EYS: variants seen among roughly 807,000 people sequenced by gnomAD.
The protein encoded by EYS is EGF-like photoreceptor maintenance factor.
A neutral mutation model predicts 282.1 loss-of-function variants in EYS; 250 were observed. The ratio of observed to expected loss-of-function variants is 0.89; its 90% CI spans 0.80 to 0.98. The LOEUF (loss-of-function observed/expected upper bound fraction) is 0.98. Ranked by LOEUF, EYS falls within the 50% of genes least tolerant of loss-of-function variation. The pLI is 0.00. For synonymous variants in EYS, 1,355 were observed against 1,282.9 expected (o/e 1.06, Z -1.20); for missense variants, 4,016 against 3,709.0 (o/e 1.08, Z -2.15).
intron 26 of EYS, among the ~76,000 whole-genome samples, chr6:64,564,443 AT>A (rs960519762): frequency 2.7e-5 from 4 of 150,742 alleles, no homozygotes; most frequent in African/African-American, 9.8e-5. Flanking sequence ...ACGCCCAGCT[AT>A]TTTTTTATTA....
intron 22 of EYS, among the ~76,000 whole-genome samples, chr6:64,767,903 G>T (rs1193698924): frequency 6.6e-6 from 1 of 151,958 alleles, no homozygotes; most frequent in Non-Finnish European, 1.5e-5. Context: ...TTCCATGAGT[G>T]GTGTATGAGC....
In EYS at chr6:64,860,058, A is replaced by T. The variant is rs548510919; in HGVS notation, c.2992+26639T>A. 2.6e-5 allele frequency among the ~76,000 whole-genome samples: 4 copies of T among 152,300 alleles called. No homozygotes were observed. In the South Asian group the frequency reaches 8.3e-4, roughly 32 times the overall value. On this transcript the variant is annotated intron_variant, in intron 19 of 42. Coordinates refer to ENST00000503581, the MANE Select transcript of EYS (RefSeq NM_001142800.2). ...TCTTTGTTTCTTACTTTTAAAAAAC[A>T]TATTGTCCCTTTTTTCTGTGTCTTC...
intron 31 of EYS, among the ~76,000 whole-genome samples, chr6:64,131,115 C>T (rs563632102): frequency 3.3e-5 from 5 of 152,134 alleles, no homozygotes; most frequent in Non-Finnish European, 5.9e-5. Flanking sequence ...ATCCTCCCCC[C>T]CTTGGCCTCC....
At chr6:64,464,472 C>A (rs908556937) in intron 26 of EYS, among the ~76,000 whole-genome samples, 1 of 152,004 alleles carries the variant, frequency 6.6e-6, no homozygotes, top group African/African-American at 2.4e-5. Context: ...AGATAAAAGG[C>A]AGCCAAATTG....
chr6:63,930,151 A>T (rs1764842114), intron 35 of EYS, among the ~76,000 whole-genome samples: 1 of 152,188 alleles, frequency 6.6e-6, no homozygotes, highest in Admixed American at 6.5e-5. Flanking sequence ...AATAATAAGT[A>T]TGTGAAGTGA....
chr6:65,379,410 TC>T (rs1331785284), intron 8 of EYS, among the ~76,000 whole-genome samples: 18 of 152,092 alleles, frequency 1.2e-4, no homozygotes, highest in Non-Finnish European at 2.1e-4. Flanking sequence ...TCGACGAAAT[TC>T]AACACCGCTT....
intron 5 of EYS, among the ~76,000 whole-genome samples, chr6:65,480,439 C>A (rs1353210981): frequency 1.3e-5 from 2 of 151,900 alleles, no homozygotes; most frequent in Non-Finnish European, 2.9e-5. Context: ...ACCAGAGAAG[C>A]AACATATTAT....
At chr6:64,651,246 A>T (rs1168815292) in intron 22 of EYS, among the ~76,000 whole-genome samples, 1 of 152,176 alleles carries the variant, frequency 6.6e-6, no homozygotes, top group African/African-American at 2.4e-5. Context: ...AAAAAAGACT[A>T]AATAGTTGCC....
intron 34 of EYS, among the ~76,000 whole-genome samples, chr6:63,998,725 C>T (rs1045959523): frequency 6.6e-5 from 10 of 151,358 alleles, no homozygotes; most frequent in African/African-American, 2.4e-4. Context: ...ACTATCATAT[C>T]CTATAAAAAC....
intron 2 of EYS, among the ~76,000 whole-genome samples, chr6:65,561,880 A>G (rs1163188022): frequency 6.6e-6 from 1 of 151,810 alleles, no homozygotes; most frequent in African/African-American, 2.4e-5. Context: ...AGAATTTTAT[A>G]TAACATTTAA....
intron 40 of EYS, among the ~76,000 whole-genome samples, chr6:63,765,056 AG>A (rs1354299172): frequency 6.7e-6 from 1 of 150,098 alleles, no homozygotes; most frequent in African/African-American, 2.5e-5. Flanking sequence ...GAGGAGGAGT[AG>A]ATTTTGTAGA....
intron 14 of EYS, among the ~76,000 whole-genome samples, chr6:64,975,783 C>T (rs1308229550): frequency 2.0e-5 from 3 of 151,626 alleles, no homozygotes; most frequent in Non-Finnish European, 4.4e-5. Context: ...CAAACATTAT[C>T]ATTTGGTAAT....
rs907851850 is a variant in EYS at position 63,778,241 on chromosome 6, A to G, written c.7724-61T>C. 2.7e-6 allele frequency: 4 copies of G among 1,476,634 alleles called. No homozygotes were observed. In the African/African-American group the frequency reaches 4.2e-5, roughly 16 times the overall value. 91.5% of individuals were successfully genotyped at this position (1,476,634 alleles called of 1,614,324 possible). On this transcript the variant is annotated intron_variant, in intron 39 of 42. Coordinates refer to ENST00000503581, the MANE Select transcript of EYS (RefSeq NM_001142800.2). ...CAGAAGAAATAGAAAAAACAAGAAG[A>G]AGGTTATTTTTCATTTTTAAAGTAG...
In EYS at chr6:64,624,261, C is replaced by T. The variant is rs185550838; in HGVS notation, c.3568+1860G>A. On this transcript the variant is annotated intron_variant, in intron 23 of 42. Coordinates refer to ENST00000503581, the MANE Select transcript of EYS (RefSeq NM_001142800.2). ...AATCCAGAGTAGTGGAATCAACCTA[C>T]AGCAACAAAACTAATCTAGCACCTG... 5.9e-5 allele frequency among the ~76,000 whole-genome samples: 9 copies of T among 152,218 alleles called. No individual in the cohort carries two copies. The East Asian group carries it at 1.4e-3, about 23-fold the overall frequency.
At chr6:65,073,800 G>GTA (rs1773969001) in intron 12 of EYS, among the ~76,000 whole-genome samples, 1 of 151,908 alleles carries the variant, frequency 6.6e-6, no homozygotes, top group South Asian at 2.1e-4. Flanking sequence ...TTTGAATTTG[G>GTA]TAGCTCTGGA....
At chr6:65,370,772 C>T (rs1292319763) in intron 8 of EYS, among the ~76,000 whole-genome samples, 2 of 151,884 alleles carry the variant, frequency 1.3e-5, no homozygotes, top group East Asian at 3.9e-4. Context: ...TGCGCACTTC[C>T]TATAAGGGAG....
At chr6:64,165,663 A>G (rs1250106224) in intron 31 of EYS, among the ~76,000 whole-genome samples, 1 of 152,168 alleles carries the variant, frequency 6.6e-6, no homozygotes, top group Non-Finnish European at 1.5e-5. Context: ...AGTATTGGCA[A>G]GGGACTTGAA....
intron 31 of EYS, among the ~76,000 whole-genome samples, chr6:64,140,684 G>A (rs924317536): frequency 6.6e-6 from 1 of 152,134 alleles, no homozygotes; most frequent in African/African-American, 2.4e-5. Context: ...TCTCCAGGCA[G>A]TCCTTTCTAC....
At chr6:65,611,801 T>C (rs536298732) in intron 2 of EYS, among the ~76,000 whole-genome samples, 35 of 152,162 alleles carry the variant, frequency 2.3e-4, no homozygotes, top group African/African-American at 8.4e-4. Context: ...TCTGGCTTAA[T>C]TGGCCTAGGA....
Sources: allele counts gnomAD v4.1 joint callset (sites outside exome capture counted in the v4.1 genomes callset), GRCh38; gene constraint gnomAD v4.1.1; transcripts MANE v1.5; gene names NCBI Gene and HGNC (gene_info 2026-07-23, HGNC 2026-07-21).